Variants in CTLA4 observed in about 807,000 individuals in gnomAD.
The protein encoded by CTLA4 is cytotoxic T-lymphocyte associated protein 4, also known as cytotoxic T-lymphocyte protein 4.
A neutral mutation model predicts 20.4 loss-of-function variants in CTLA4; 3 were observed. That is an observed-to-expected ratio of 0.15 (90% CI 0.07 to 0.38). The LOEUF (loss-of-function observed/expected upper bound fraction) is 0.38, where lower values mean the gene tolerates loss of function less well. CTLA4 is among the 10% of genes least tolerant of loss of function. The pLI, the probability that CTLA4 is intolerant of heterozygous loss-of-function variation, is 1.00. For synonymous variants in CTLA4, 100 were observed against 105.2 expected (o/e 0.95, Z 0.30); for missense variants, 184 against 276.8 (o/e 0.66, Z 2.38).
Position 203,873,536 on chromosome 2 carries a change from C to T in CTLA4, c.*724C>T. The T allele has an allele frequency of 4.6e-6, 1 of 219,322 alleles. No individual in the cohort carries two copies. The highest frequency in any genetic ancestry group is 9.1e-6 in the Non-Finnish European group (1 of 109,818). 13.6% of individuals were successfully genotyped at this position (219,322 alleles called of 1,614,324 possible). A position where few individuals can be genotyped will look rare whatever the true frequency, so the allele number is the denominator to read the frequency against. ...GGACACTAATACACCAGGTAGAACA[C>T]AAGGTCATTTGCTAACTAGCTTGGA... On this transcript the variant is annotated 3_prime_UTR_variant, in exon 4 of 4. Transcript: ENST00000648405.
chr2:203,871,811 G>A (rs1198614637), intron 3 of CTLA4, among the ~76,000 whole-genome samples: 1 of 152,196 alleles, frequency 6.6e-6, no homozygotes, highest in Non-Finnish European at 1.5e-5. Flanking sequence ...TAACAGCCCT[G>A]AAACATGAGA....
At chr2:203,871,610 G>A (rs1194729863) in intron 3 of CTLA4, 123 bp downstream of exon 3, 6 of 796,670 alleles carry the variant, frequency 7.5e-6, no homozygotes, top group Non-Finnish European at 1.3e-5. Context: ...TGAAGAGGAA[G>A]GACAGTGGTA....
rs547979414 is a variant in CTLA4 at position 203,873,780 on chromosome 2, C to G, written c.*968C>G. On this transcript the variant is annotated 3_prime_UTR_variant, in exon 4 of 4. Coordinates refer to ENST00000648405, the MANE Select transcript of CTLA4 (RefSeq NM_005214.5). Reference sequence around the variant, plus strand: ...TTCTAGGAAGCTCCAGTTCGATGGGCCCAATTCTTACAAACATGTGGTTAA... The same window carrying G: ...TTCTAGGAAGCTCCAGTTCGATGGGGCCAATTCTTACAAACATGTGGTTAA... 113 of 227,760 alleles carry G rather than the reference C, an allele frequency of 5.0e-4. No homozygotes were observed. The highest frequency in any genetic ancestry group is 2.1e-3 in the African/African-American group (95 of 45,004). The allele number at this position is 227,760 out of a possible 1,614,324, so 14.1% of individuals were successfully genotyped here.
chr2:203,867,907 ACTTC>A lies in CTLA4; in HGVS notation c.-33_-30del. 1 of 1,513,668 alleles carries A rather than the reference ACTTC, an allele frequency of 6.6e-7. No homozygotes were observed. Among genetic ancestry groups the A allele is most frequent in the South Asian group, 1.1e-5 (1 of 88,770 alleles). 93.8% of individuals were successfully genotyped at this position (1,513,668 alleles called of 1,614,324 possible). On this transcript the variant is annotated 5_prime_UTR_variant, in exon 1 of 4. Coordinates refer to ENST00000648405, the MANE Select transcript of CTLA4 (RefSeq NM_005214.5). ...TCAGGATCCTGAAAGGTTTTGCTCTACTTCCTGAAGACCTGAACACCGCTCCCAT... is the reference window on the plus strand; with the variant it reads ...TCAGGATCCTGAAAGGTTTTGCTCTACTGAAGACCTGAACACCGCTCCCAT...
In CTLA4 at chr2:203,870,344, G is replaced by A; in HGVS notation, c.110-242G>A. The A allele has an allele frequency of 3.6e-6, 2 of 548,730 alleles. No individual in the cohort carries two copies. The highest frequency in any genetic ancestry group is 6.5e-6 in the Non-Finnish European group (2 of 307,890). 34.0% of individuals were successfully genotyped at this position (548,730 alleles called of 1,614,324 possible). On this transcript the variant is annotated intron_variant, in intron 1 of 3. Transcript: ENST00000648405. This position sits in a 1 kb window ranked among gnomAD's most constrained non-coding sequence, Gnocchi z 5.3. ...TGTTTGTCATATCAGTGTTCTTCCT[G>A]CCACAACCATCTTGAAGAATCTATT...
intron 2 of CTLA4, 146 bp downstream of exon 2, chr2:203,871,079 C>T: frequency 2.8e-6 from 2 of 719,708 alleles, no homozygotes; most frequent in South Asian, 3.8e-5. Context: ...GGTAGCCTTG[C>T]TTATTGTGGG....
chr2:203,871,200 A>G (rs527537465), intron 2 of CTLA4, among the ~76,000 whole-genome samples, 178 bp from the exon 3 acceptor site: 2 of 152,282 alleles, frequency 1.3e-5, no homozygotes, highest in Admixed American at 1.3e-4. Flanking sequence ...TTGATATGAT[A>G]TGATGCTCCT....
chr2:203,871,069 G>A, intron 2 of CTLA4, 136 bp downstream of exon 2: 1 of 739,732 alleles, frequency 1.4e-6, no homozygotes, highest in Non-Finnish European at 2.2e-6. Flanking sequence ...TGTACCACAT[G>A]GTAGCCTTGC....
chr2:203,872,164 A>G (rs231781), intron 3 of CTLA4, among the ~76,000 whole-genome samples: 148,597 of 152,232 alleles, frequency 0.98, 72,631 homozygotes, highest in East Asian at 1. Context: ...CTTTGCCATT[A>G]CAAACTCTCC....
In CTLA4 at chr2:203,870,690, A is replaced by G. The variant is rs1206369281; in HGVS notation, c.214A>G (p.Thr72Ala). 1.2e-6 allele frequency: 2 copies of G among 1,614,212 alleles called. No homozygotes were observed. Among genetic ancestry groups the G allele is most frequent in the Admixed American group, 1.7e-5 (1 of 60,028 alleles). The change falls in exon 2 of 4, where the codon ACA (threonine) becomes GCA (alanine). Residue 72 changes from threonine to alanine, a missense_variant. Thr to Ala is a moderately conservative substitution (Grantham distance 58). Transcript: ENST00000648405. The surrounding 1 kb of genome is among the most constrained non-coding windows in gnomAD (Gnocchi z 5.3). ...SPGKATEVRVTVLRQADSQVT... is the reference protein window; with the variant it reads ...SPGKATEVRVAVLRQADSQVT... Reference sequence around the variant, plus strand: ...AGGCAAAGCCACTGAGGTCCGGGTGACAGTGCTTCGGCAGGCTGACAGCCA... The same window carrying G: ...AGGCAAAGCCACTGAGGTCCGGGTGGCAGTGCTTCGGCAGGCTGACAGCCA...
At chr2:203,869,548 G>A (rs1034510924) in intron 1 of CTLA4, among the ~76,000 whole-genome samples, 1 of 152,202 alleles carries the variant, frequency 6.6e-6, no homozygotes, top group African/African-American at 2.4e-5. Context: ...AGACCAGAGT[G>A]ATAGATTGGA....
chr2:203,871,349 G>A, intron 2 of CTLA4, 29 bp from the exon 3 acceptor site: 1 of 1,579,542 alleles, frequency 6.3e-7, no homozygotes, highest in Non-Finnish European at 8.7e-7. Context: ...AACTGTCTCA[G>A]GGAGGCTCTG....
Position 203,870,814 on chromosome 2 carries a change from A to C in CTLA4, c.338A>C (p.Asn113Thr). 1 of 1,614,080 alleles carries C rather than the reference A, an allele frequency of 6.2e-7. No homozygotes were observed. Among genetic ancestry groups the C allele is most frequent in the Non-Finnish European group, 8.5e-7 (1 of 1,180,014 alleles). The change falls in exon 2 of 4, where the codon AAC becomes ACC. Residue 113 changes from asparagine (N) to threonine (T), a missense_variant. By Grantham distance (65) the Asn-to-Thr change is moderately conservative. Transcript: ENST00000648405. The surrounding 1 kb of genome is among the most constrained non-coding windows in gnomAD (Gnocchi z 5.3). Reference sequence around the variant, plus strand: ...GGCACCTCCAGTGGAAATCAAGTGAACCTCACTATCCAAGGACTGAGGGCC... The same window carrying C: ...GGCACCTCCAGTGGAAATCAAGTGACCCTCACTATCCAAGGACTGAGGGCC... ...CTGTSSGNQV[N>T]LTIQGLRAMD...
chr2:203,868,498 G>A (rs961539056), intron 1 of CTLA4, among the ~76,000 whole-genome samples: 3 of 152,080 alleles, frequency 2.0e-5, no homozygotes, highest in Non-Finnish European at 4.4e-5. Flanking sequence ...TAAGGTCCTC[G>A]GATTCATATA....
Position 203,872,946 on chromosome 2 carries a change from A to T in CTLA4, c.*134A>T. The T allele has an allele frequency of 1.6e-6, 1 of 641,420 alleles. No homozygotes were observed. The highest frequency in any genetic ancestry group is 1.9e-5 in the South Asian group (1 of 51,992). The allele number at this position is 641,420 out of a possible 1,614,324, so 39.7% of individuals were successfully genotyped here. On this transcript the variant is annotated 3_prime_UTR_variant, in exon 4 of 4. Transcript: ENST00000648405. ...TCATCTCTCTTTAATATAAAGTTGGATGCGGAACCCAAATTACGTGTACTA... is the reference window on the plus strand; with the variant it reads ...TCATCTCTCTTTAATATAAAGTTGGTTGCGGAACCCAAATTACGTGTACTA...
chr2:203,871,536 T>A, intron 3 of CTLA4, 49 bp downstream of exon 3: 6 of 1,347,196 alleles, frequency 4.5e-6, no homozygotes, highest in Non-Finnish European at 5.3e-6. Context: ...ATACCTTTAG[T>A]GGTATCAACT....
chr2:203,868,603 T>A (rs939497634), intron 1 of CTLA4, among the ~76,000 whole-genome samples: 5 of 152,006 alleles, frequency 3.3e-5, no homozygotes, highest in African/African-American at 1.2e-4. Context: ...GTTCTCTTAA[T>A]CAATTCTACT....
intron 1 of CTLA4, among the ~76,000 whole-genome samples, chr2:203,868,669 C>T (rs1398338745): frequency 6.6e-6 from 1 of 151,230 alleles, no homozygotes; most frequent in Non-Finnish European, 1.5e-5. Flanking sequence ...AAAAAAAAGA[C>T]AAGGAAAAGG....
rs749059847 is a variant in CTLA4, at chr2:203,871,421, T to C, written c.501T>C (p.Leu167=). The stretch of plus-strand genomic sequence containing the variant: ...ATTCTGACTTCCTCCTCTGGATCCT[T>C]GCAGCAGTTAGTTCGGGGTTGTTTT... The part of the protein sequence containing the change: ...CPDSDFLLWI[L]AAVSSGLFFY... The change falls in exon 3 of 4, where the codon CTT becomes CTC. Residue 167 remains leucine, a synonymous_variant. Transcript: ENST00000648405. The C allele has an allele frequency of 8.1e-6, 13 of 1,614,210 alleles. No homozygotes were observed. In the Middle Eastern group the frequency reaches 6.6e-4, roughly 82 times the overall value.
Sources: gnomAD v4.1 joint callset for allele counts (sites outside exome capture counted in the v4.1 genomes callset) on GRCh38, gnomAD v4.1.1 for gene constraint, Gnocchi (gnomAD v3.1) non-coding constraint, MANE v1.5 for transcripts, NCBI Gene and HGNC (gene_info 2026-07-23, HGNC 2026-07-21) for gene names.